LRP1B: variants seen among roughly 807,000 people sequenced by gnomAD.
LRP1B encodes LDL receptor related protein 1B, also known as low-density lipoprotein receptor-related protein 1B.
LRP1B carries 217 observed loss-of-function variants against 556.6 expected under a neutral mutation model. That is an observed-to-expected ratio of 0.39 (90% CI 0.35 to 0.44). The LOEUF is 0.44. Among genes scored for constraint, LRP1B ranks in the 20% least tolerant of loss-of-function variants. The probability of loss-of-function intolerance (pLI) is 1.00; values close to 1 mark genes in which losing one functional copy is unlikely to be tolerated. For synonymous variants in LRP1B, 2,047 were observed against 1,865.8 expected (o/e 1.10, Z -2.50); for missense variants, 5,053 against 5,620.8 (o/e 0.90, Z 3.23).
chr2:140,708,032 G>A (rs1686901931), intron 37 of LRP1B, among the ~76,000 whole-genome samples: 1 of 152,022 alleles, frequency 6.6e-6, no homozygotes, highest in Non-Finnish European at 1.5e-5. Context: ...TCTATTATGT[G>A]CTAGGAGCTG....
At chr2:141,478,550 CTCTT>C (rs1188050894) in intron 3 of LRP1B, among the ~76,000 whole-genome samples, 8 of 134,412 alleles carry the variant, frequency 6.0e-5, no homozygotes, top group Middle Eastern at 3.8e-3. Context: ...CTCTCATTCT[CTCTT>C]TCTTTCTTTG....
intron 3 of LRP1B, among the ~76,000 whole-genome samples, chr2:141,287,159 A>C (rs1685751854): frequency 6.6e-6 from 1 of 152,140 alleles, no homozygotes; most frequent in South Asian, 2.1e-4. Context: ...TGGATTTGTT[A>C]ACATTCTCTA....
intron 3 of LRP1B, among the ~76,000 whole-genome samples, chr2:141,275,033 C>T (rs1055071810): frequency 6.6e-6 from 1 of 152,000 alleles, no homozygotes; most frequent in African/African-American, 2.4e-5. Flanking sequence ...TGGAAAAAGG[C>T]GAATGATCCA....
At chr2:140,628,197 C>G (rs151250315) in intron 41 of LRP1B, among the ~76,000 whole-genome samples, 5 of 152,174 alleles carry the variant, frequency 3.3e-5, no homozygotes, top group African/African-American at 4.8e-5. Context: ...AGAAAGAGAA[C>G]AGAGGACACC....
At chr2:141,273,799 C>T (rs377153463) in intron 3 of LRP1B, among the ~76,000 whole-genome samples, 5 of 152,094 alleles carry the variant, frequency 3.3e-5, no homozygotes, top group East Asian at 1.9e-4. Flanking sequence ...TCATACAATG[C>T]GAGAAAACAT....
At chr2:141,483,744 G>C (rs1325424750) in intron 2 of LRP1B, among the ~76,000 whole-genome samples, 3 of 151,778 alleles carry the variant, frequency 2.0e-5, no homozygotes, top group African/African-American at 4.8e-5. Flanking sequence ...TGTGTTTTTT[G>C]GCTGCATAAA....
intron 11 of LRP1B, among the ~76,000 whole-genome samples, chr2:141,039,305 T>C (rs1698629014): frequency 6.6e-6 from 1 of 152,018 alleles, no homozygotes; most frequent in South Asian, 2.1e-4. Context: ...TATTATAGCA[T>C]GTTGTTATAA....
chr2:141,805,075 T>C (rs1460910238), intron 2 of LRP1B, among the ~76,000 whole-genome samples: 1 of 152,086 alleles, frequency 6.6e-6, no homozygotes, highest in African/African-American at 2.4e-5. Context: ...TTGTTGACAA[T>C]ACTCATTGCC....
intron 2 of LRP1B, among the ~76,000 whole-genome samples, chr2:141,739,745 A>C (rs996032099): frequency 6.6e-6 from 1 of 151,736 alleles, no homozygotes; most frequent in African/African-American, 2.4e-5. Context: ...AAAGATATGC[A>C]ACAGTTTCTT....
intron 2 of LRP1B, among the ~76,000 whole-genome samples, chr2:141,764,202 A>G (rs899807683): frequency 6.6e-6 from 1 of 151,574 alleles, no homozygotes; most frequent in Non-Finnish European, 1.5e-5. Flanking sequence ...TTTTTTTGAG[A>G]CAGAGTTTTG....
intron 60 of LRP1B, among the ~76,000 whole-genome samples, chr2:140,471,305 C>T (rs745844483): frequency 2.0e-5 from 3 of 152,016 alleles, no homozygotes; most frequent in Non-Finnish European, 2.9e-5. Context: ...TGTTTAAATA[C>T]GTCTTTAGAA....
At chr2:140,983,658 C>G (rs1217607974) in intron 17 of LRP1B, among the ~76,000 whole-genome samples, 1 of 151,962 alleles carries the variant, frequency 6.6e-6, no homozygotes, top group Non-Finnish European at 1.5e-5. Context: ...TAAAGATTAT[C>G]CAAGAAAAAC....
At chr2:140,280,567 C>T (rs184353051) in intron 84 of LRP1B, among the ~76,000 whole-genome samples, 303 of 151,714 alleles carry the variant, frequency 2.0e-3, no homozygotes, top group African/African-American at 7.2e-3. Flanking sequence ...ATACTAGGAA[C>T]CCTGGAAAGA....
intron 1 of LRP1B, among the ~76,000 whole-genome samples, chr2:141,827,938 G>A (rs564694726): frequency 2.0e-4 from 30 of 151,812 alleles, no homozygotes; most frequent in Non-Finnish European, 3.1e-4. Context: ...CCACACAGAA[G>A]AAATTCTACA....
rs1680895143 is a variant in LRP1B, at chr2:140,333,108, C to A, written c.12223+1345G>T. 3.3e-5 allele frequency among the ~76,000 whole-genome samples: 5 copies of A among 151,946 alleles called. No homozygotes were observed. The South Asian group carries it at 8.3e-4, about 25-fold the overall frequency. On this transcript the variant is annotated intron_variant, in intron 79 of 90. Transcript: ENST00000389484. ...GCTTCTGGGCATACTCACCTTCTTTCTGTTTTCATGCTAAGCTAATTCCTT... is the reference window on the plus strand; with the variant it reads ...GCTTCTGGGCATACTCACCTTCTTTATGTTTTCATGCTAAGCTAATTCCTT...
rs181559974 is a variant in LRP1B, at chr2:141,360,430, T to C, written c.344-105789A>G. Reference sequence around the variant, plus strand: ...GAATTGATACTTTTGTATAAACATGTACCTATGAAAATATACAGAATGGAT... The same window carrying C: ...GAATTGATACTTTTGTATAAACATGCACCTATGAAAATATACAGAATGGAT... On this transcript the variant is annotated intron_variant, in intron 3 of 90. Transcript: ENST00000389484. 7.9e-5 allele frequency among the ~76,000 whole-genome samples: 12 copies of C among 152,344 alleles called. No homozygotes were observed. In the East Asian group the frequency reaches 2.3e-3, roughly 29 times the overall value.
intron 1 of LRP1B, among the ~76,000 whole-genome samples, chr2:142,027,281 G>A (rs1050069607): frequency 6.6e-6 from 1 of 150,408 alleles, no homozygotes; most frequent in African/African-American, 2.4e-5. Flanking sequence ...TTTAAATAAA[G>A]AAATTCTGAT....
chr2:141,947,824 A>AAAAAAC (rs138845975), intron 1 of LRP1B, among the ~76,000 whole-genome samples: 2 of 149,200 alleles, frequency 1.3e-5, no homozygotes, highest in African/African-American at 2.5e-5. Context: ...CAGAAAAAAA[A>AAAAAAC]AACAACAATA....
At chr2:141,641,764 G>C (rs112415009) in intron 2 of LRP1B, among the ~76,000 whole-genome samples, 10 of 152,074 alleles carry the variant, frequency 6.6e-5, no homozygotes, top group Non-Finnish European at 1.2e-4. Context: ...CTATTGTCTT[G>C]AGTCCTGAAT....
Sources: allele counts gnomAD v4.1 joint callset (sites outside exome capture counted in the v4.1 genomes callset), GRCh38; gene constraint gnomAD v4.1.1; transcripts MANE v1.5; gene names NCBI Gene and HGNC (gene_info 2026-07-23, HGNC 2026-07-21).